The following TMEM250 variants were observed in gnomAD, a reference collection of about 807,000 sequenced individuals.
The protein encoded by TMEM250 is transmembrane protein 250, also known as herpes virus UL25-binding protein.
TMEM250 carries 7 observed loss-of-function variants against 7.0 expected under a neutral mutation model. The observed-to-expected ratio is 1.00, with a 90% CI of 0.57 to 1.87. The LOEUF is 1.87. TMEM250 is among the 40% of genes most tolerant of loss of function. The pLI is 0.00. For missense variants in TMEM250, 196 were observed against 202.5 expected, an observed-to-expected ratio of 0.97 and a Z score of 0.19; for synonymous variants, 135 against 96.7, an observed-to-expected ratio of 1.40 and a Z score of -2.32.
In TMEM250 at chr9:136,116,650, ACGCC is replaced by A. The variant is rs765366872; in HGVS notation, c.247_250del (p.Gly83PhefsTer28). On this transcript the variant is annotated frameshift_variant, in exon 2 of 2. Coordinates refer to ENST00000418388, the MANE Select transcript of TMEM250 (RefSeq NM_152833.3). LOFTEE classifies it high-confidence loss of function. ...GCGCTGGAAGCGCAGCAGGACGCGA[ACGCC>A]CAGGTACTGTAGGCAGAAGAGGGCG... 6.2e-6 allele frequency: 10 copies of A among 1,611,288 alleles called. No homozygotes were observed. Among genetic ancestry groups the A allele is most frequent in the Non-Finnish European group, 8.5e-6 (10 of 1,179,624 alleles).
In TMEM250 at chr9:136,114,648, C is replaced by G. The variant is rs929692561; in HGVS notation, c.*1833G>C. On this transcript the variant is annotated 3_prime_UTR_variant, in exon 2 of 2. Transcript: ENST00000418388. Reference sequence around the variant, plus strand: ...ATGGCATGACGAATTTCACAGGCACCGGGGACAGCAGGCGGCCAGGTGCTC... The same window carrying G: ...ATGGCATGACGAATTTCACAGGCACGGGGGACAGCAGGCGGCCAGGTGCTC... 4 of 152,258 alleles carry G rather than the reference C, an allele frequency of 2.6e-5. No homozygotes were observed. Among genetic ancestry groups the G allele is most frequent in the East Asian group, 3.8e-4 (2 of 5,198 alleles). The allele number at this position is 152,258 out of a possible 1,614,324, so 9.4% of individuals were successfully genotyped here.
rs1588596575 is a variant in TMEM250 at position 136,114,975 on chromosome 9, T to C, written c.*1506A>G. Reference sequence around the variant, plus strand: ...GCTGCCGATAAATTAGAGAGCACGGTTTACGGCCAGAGATTTTTTGCTTTC... The same window carrying C: ...GCTGCCGATAAATTAGAGAGCACGGCTTACGGCCAGAGATTTTTTGCTTTC... On this transcript the variant is annotated 3_prime_UTR_variant, in exon 2 of 2. Transcript: ENST00000418388. The C allele has an allele frequency of 3.3e-5, 5 of 152,232 alleles. 1 individual carries two copies. Among genetic ancestry groups the C allele is most frequent in the Admixed American group, 3.3e-4 (5 of 15,280 alleles). The allele number at this position is 152,232 out of a possible 1,614,324, so 9.4% of individuals were successfully genotyped here. A position where few individuals can be genotyped will look rare whatever the true frequency, so the allele number is the denominator to read the frequency against.
At chr9:136,118,124 C>T (rs1830750382) in intron 1 of TMEM250, 1 of 152,260 alleles carries the variant, frequency 6.6e-6, no homozygotes, top group Admixed American at 6.5e-5. Flanking sequence ...GCCAGAGCGG[C>T]CCTATTTAAG....
In TMEM250 at chr9:136,116,929, G is replaced by A. The variant is rs1830718311; in HGVS notation, c.-29C>T. ...GCCCCGGCGGCGGCGGCGCTAGGTC[G>A]CAGTGGCGGCGGCGGTGTCCAGGCG... On this transcript the variant is annotated 5_prime_UTR_variant, in exon 2 of 2. It introduces an in-frame stop codon into an upstream open reading frame of the 5' UTR. Coordinates refer to ENST00000418388, the MANE Select transcript of TMEM250 (RefSeq NM_152833.3). 4 of 1,438,446 alleles carry A rather than the reference G, an allele frequency of 2.8e-6. No homozygotes were observed. The highest frequency in any genetic ancestry group is 2.9e-5 in the Admixed American group (1 of 34,012). 89.1% of individuals were successfully genotyped at this position (1,438,446 alleles called of 1,614,324 possible).
intron 1 of TMEM250, among the ~76,000 whole-genome samples, chr9:136,117,479 A>C: frequency 6.6e-6 from 1 of 152,234 alleles, no homozygotes; most frequent in Non-Finnish European, 1.5e-5. Flanking sequence ...ATCTGCAAGA[A>C]GCCACCACAG....
At position 136,116,609 on chromosome 9, in the gene TMEM250, G is replaced by GCAGCAC; in HGVS notation, c.286_291dup (p.Val96_Leu97dup). On this transcript the variant is annotated inframe_insertion, in exon 2 of 2. Coordinates refer to ENST00000418388, the MANE Select transcript of TMEM250 (RefSeq NM_152833.3). ...ACGCGCCGGCGGCCCAGCAGCAGCAGCAGCACCGACAGCTTGCGCTGGAAG... is the reference window on the plus strand; with the variant it reads ...ACGCGCCGGCGGCCCAGCAGCAGCAGCAGCACCAGCACCGACAGCTTGCGCTGGAAG... The GCAGCAC allele has an allele frequency of 3.1e-6, 5 of 1,606,802 alleles. No homozygotes were observed. The highest frequency in any genetic ancestry group is 3.4e-6 in the Non-Finnish European group (4 of 1,179,638).
Position 136,116,363 on chromosome 9 carries a change from G to A in TMEM250, c.*118C>T. 1 of 1,415,664 alleles carries A rather than the reference G, an allele frequency of 7.1e-7. No individual in the cohort carries two copies. Among genetic ancestry groups the A allele is most frequent in the Non-Finnish European group, 9.2e-7 (1 of 1,086,702 alleles). 87.7% of individuals were successfully genotyped at this position (1,415,664 alleles called of 1,614,324 possible). On this transcript the variant is annotated 3_prime_UTR_variant, in exon 2 of 2. Coordinates refer to ENST00000418388, the MANE Select transcript of TMEM250 (RefSeq NM_152833.3). ...TCAGCCCTTTCTTTTCTCTCCGTGG[G>A]CGCCGGGCAGCAGCGACTGCCTGGG...
In TMEM250 at chr9:136,116,990, G is replaced by A. The variant is rs1014544823; in HGVS notation, c.-90C>T. On this transcript the variant is annotated 5_prime_UTR_variant, in exon 2 of 2. Coordinates refer to ENST00000418388, the MANE Select transcript of TMEM250 (RefSeq NM_152833.3). ...TAGGGGTCATGGGCGCCTAGGCCTGGGAGCCCGCAGCTGACCCTGGGGGGA... is the reference window on the plus strand; with the variant it reads ...TAGGGGTCATGGGCGCCTAGGCCTGAGAGCCCGCAGCTGACCCTGGGGGGA... The A allele has an allele frequency of 8.7e-5, 119 of 1,361,654 alleles. 1 individual carries two copies. The highest frequency in any genetic ancestry group is 1.1e-4 in the Non-Finnish European group (115 of 1,062,304). The allele number at this position is 1,361,654 out of a possible 1,614,324, so 84.3% of individuals were successfully genotyped here.
chr9:136,116,057 G>A lies in TMEM250; in HGVS notation c.*424C>T. On this transcript the variant is annotated 3_prime_UTR_variant, in exon 2 of 2. Coordinates refer to ENST00000418388, the MANE Select transcript of TMEM250 (RefSeq NM_152833.3). ...GGGGCTGGGGCCAGGGCACGCAGAA[G>A]GGGCTGTGCAGCCAGGAGGGCCCCC... 1 of 413,994 alleles carries A rather than the reference G, an allele frequency of 2.4e-6. No individual in the cohort carries two copies. Among genetic ancestry groups the A allele is most frequent in the Non-Finnish European group, 4.2e-6 (1 of 235,558 alleles). 25.6% of individuals were successfully genotyped at this position (413,994 alleles called of 1,614,324 possible). A position where few individuals can be genotyped will look rare whatever the true frequency, so the allele number is the denominator to read the frequency against.
Position 136,114,675 on chromosome 9 carries a change from GAGGGCACCAA to G in TMEM250, c.*1796_*1805del, listed in dbSNP as rs959824468. 1.3e-4 allele frequency: 20 copies of G among 152,378 alleles called. No homozygotes were observed. The highest frequency in any genetic ancestry group is 3.9e-4 in the Admixed American group (6 of 15,308). The allele number at this position is 152,378 out of a possible 1,614,324, so 9.4% of individuals were successfully genotyped here. ...GGGACAGCAGGCGGCCAGGTGCTCA[GAGGGCACCAA>G]GGTGCCACAACTCCCTGCAGCGTTG... is the stretch of plus-strand genomic sequence containing the variant. On this transcript the variant is annotated 3_prime_UTR_variant, in exon 2 of 2. Transcript: ENST00000418388.
In TMEM250 at chr9:136,115,947, A is replaced by G. The variant is rs1830692647; in HGVS notation, c.*534T>C. The G allele has an allele frequency of 5.0e-6, 2 of 400,182 alleles. No individual in the cohort carries two copies. Among genetic ancestry groups the G allele is most frequent in the African/African-American group, 2.2e-5 (1 of 46,476 alleles). 24.8% of individuals were successfully genotyped at this position (400,182 alleles called of 1,614,324 possible). ...CACAGGGTGGTCCGCGGGCAGTGCC[A>G]GGCCTCAGGCGGCCCAGGGCAGAGT... On this transcript the variant is annotated 3_prime_UTR_variant, in exon 2 of 2. Transcript: ENST00000418388.
In TMEM250 at chr9:136,116,377, C is replaced by CTAA; in HGVS notation, c.*103_*104insTTA. 1 of 1,427,472 alleles carries CTAA rather than the reference C, an allele frequency of 7.0e-7. No homozygotes were observed. Among genetic ancestry groups the CTAA allele is most frequent in the Non-Finnish European group, 9.1e-7 (1 of 1,093,702 alleles). 88.4% of individuals were successfully genotyped at this position (1,427,472 alleles called of 1,614,324 possible). On this transcript the variant is annotated 3_prime_UTR_variant, in exon 2 of 2. Coordinates refer to ENST00000418388, the MANE Select transcript of TMEM250 (RefSeq NM_152833.3). ...TCTCTCCGTGGGCGCCGGGCAGCAGCGACTGCCTGGGGGATGGGCGAAGGG... is the reference window on the plus strand; with the variant it reads ...TCTCTCCGTGGGCGCCGGGCAGCAGCTAAGACTGCCTGGGGGATGGGCGAAGGG...
chr9:136,115,830 C>T lies in TMEM250; in HGVS notation c.*651G>A, dbSNP rs764045468. Reference sequence around the variant, plus strand: ...GGCCCCTCCCACCTGAGCCCTTCTCCGGCCCCCCGCTAGACTGCATCTACA... The same window carrying T: ...GGCCCCTCCCACCTGAGCCCTTCTCTGGCCCCCCGCTAGACTGCATCTACA... On this transcript the variant is annotated 3_prime_UTR_variant, in exon 2 of 2. Transcript: ENST00000418388. The T allele has an allele frequency of 1.1e-5, 3 of 281,542 alleles. No individual in the cohort carries two copies. Among genetic ancestry groups the T allele is most frequent in the Middle Eastern group, 9.5e-4 (1 of 1,048 alleles). The allele number at this position is 281,542 out of a possible 1,614,324, so 17.4% of individuals were successfully genotyped here. A position where few individuals can be genotyped will look rare whatever the true frequency, so the allele number is the denominator to read the frequency against.
rs761892690 is a variant in TMEM250, at chr9:136,116,445, G to C, written c.*36C>G. 1.6e-4 allele frequency: 244 copies of C among 1,491,276 alleles called. No homozygotes were observed. Among genetic ancestry groups the C allele is most frequent in the Admixed American group, 3.3e-4 (16 of 48,268 alleles). The allele number at this position is 1,491,276 out of a possible 1,614,324, so 92.4% of individuals were successfully genotyped here. A position where few individuals can be genotyped will look rare whatever the true frequency, so the allele number is the denominator to read the frequency against. On this transcript the variant is annotated 3_prime_UTR_variant, in exon 2 of 2. Coordinates refer to ENST00000418388, the MANE Select transcript of TMEM250 (RefSeq NM_152833.3). ...CACCCATGGAGAGAACACAGCCACA[G>C]GCCGGGACGATACATCAAGCTCGCA...
Position 136,114,937 on chromosome 9 carries a change from G to A in TMEM250, c.*1544C>T, listed in dbSNP as rs144264388. On this transcript the variant is annotated 3_prime_UTR_variant, in exon 2 of 2. Transcript: ENST00000418388. ...TGGACGCAGCCCGGGCTCATCAGAG[G>A]TCATCCACAGAAGCTGCCGATAAAT... is the stretch of plus-strand genomic sequence containing the variant. 6.6e-6 allele frequency: 1 copy of A among 152,376 alleles called. No individual in the cohort carries two copies. The highest frequency in any genetic ancestry group is 1.5e-5 in the Non-Finnish European group (1 of 68,034). The allele number at this position is 152,376 out of a possible 1,614,324, so 9.4% of individuals were successfully genotyped here. A position where few individuals can be genotyped will look rare whatever the true frequency, so the allele number is the denominator to read the frequency against.
At position 136,114,995 on chromosome 9, in the gene TMEM250, G is replaced by A. The variant is rs1427787371; in HGVS notation, c.*1486C>T. ...CACGGTTTACGGCCAGAGATTTTTT[G>A]CTTTCTCTACCTGATTTAGGGTTTT... On this transcript the variant is annotated 3_prime_UTR_variant, in exon 2 of 2. Coordinates refer to ENST00000418388, the MANE Select transcript of TMEM250 (RefSeq NM_152833.3). 6.6e-6 allele frequency: 1 copy of A among 152,192 alleles called. No homozygotes were observed. The highest frequency in any genetic ancestry group is 2.4e-5 in the African/African-American group (1 of 41,442). The allele number at this position is 152,192 out of a possible 1,614,324, so 9.4% of individuals were successfully genotyped here.
In TMEM250 at chr9:136,118,847, C is replaced by T. The variant is rs1025414376; in HGVS notation, c.-487G>A. On this transcript the variant is annotated 5_prime_UTR_variant, in exon 1 of 2. Coordinates refer to ENST00000418388, the MANE Select transcript of TMEM250 (RefSeq NM_152833.3). ...TGCTCCGGGCCCGCGCTGGGCGTCC[C>T]GGACTCGTCGCTTCCCGAGGGCGTG... 2.0e-5 allele frequency: 3 copies of T among 152,252 alleles called. No individual in the cohort carries two copies. Among genetic ancestry groups the T allele is most frequent in the African/African-American group, 7.2e-5 (3 of 41,462 alleles). 9.4% of individuals were successfully genotyped at this position (152,252 alleles called of 1,614,324 possible).
chr9:136,116,266 A>G lies in TMEM250; in HGVS notation c.*215T>C. The G allele has an allele frequency of 1.0e-6, 1 of 973,408 alleles. No homozygotes were observed. Among genetic ancestry groups the G allele is most frequent in the South Asian group, 1.9e-5 (1 of 53,270 alleles). The allele number at this position is 973,408 out of a possible 1,614,324, so 60.3% of individuals were successfully genotyped here. A position where few individuals can be genotyped will look rare whatever the true frequency, so the allele number is the denominator to read the frequency against. On this transcript the variant is annotated 3_prime_UTR_variant, in exon 2 of 2. Transcript: ENST00000418388. ...CACCGGCAGGTGGGCGCTGCCCCTG[A>G]GAGTGCATACGGGGAGGGTGGGTCC...
Position 136,115,893 on chromosome 9 carries a change from G to A in TMEM250, c.*588C>T. 2.6e-6 allele frequency: 1 copy of A among 385,784 alleles called. No individual in the cohort carries two copies. Among genetic ancestry groups the A allele is most frequent in the Non-Finnish European group, 4.5e-6 (1 of 219,840 alleles). The allele number at this position is 385,784 out of a possible 1,614,324, so 23.9% of individuals were successfully genotyped here. A position where few individuals can be genotyped will look rare whatever the true frequency, so the allele number is the denominator to read the frequency against. ...ACCCTGAAGGCTGGCTGGGGACTCA[G>A]GACCCACACAGCCCCTCAGGATGAC... On this transcript the variant is annotated 3_prime_UTR_variant, in exon 2 of 2. Transcript: ENST00000418388.
Sources: allele counts gnomAD v4.1 joint callset (sites outside exome capture counted in the v4.1 genomes callset), GRCh38; gene constraint gnomAD v4.1.1; transcripts MANE v1.5; gene names NCBI Gene and HGNC (gene_info 2026-07-23, HGNC 2026-07-21).